RNF180: variants seen among roughly 807,000 people sequenced by gnomAD.
The protein encoded by RNF180 is E3 ubiquitin-protein ligase RNF180.
A neutral mutation model predicts 59.2 loss-of-function variants in RNF180; 38 were observed. The observed-to-expected ratio is 0.64, with a 90% CI of 0.50 to 0.84. The LOEUF (loss-of-function observed/expected upper bound fraction) is 0.84. Among genes scored for constraint, RNF180 ranks in the 40% least tolerant of loss-of-function variants. The probability of loss-of-function intolerance (pLI) is 0.00; values close to 1 mark genes in which losing one functional copy is unlikely to be tolerated. For missense variants in RNF180, 705 were observed against 700.9 expected, an observed-to-expected ratio of 1.01 and a Z score of -0.07; for synonymous variants, 262 against 240.3, an observed-to-expected ratio of 1.09 and a Z score of -0.84.
chr5:64,348,401 G>T (rs1745638641), intron 7 of RNF180, among the ~76,000 whole-genome samples: 1 of 151,984 alleles, frequency 6.6e-6, no homozygotes, highest in Non-Finnish European at 1.5e-5. Context: ...ATTTTATTCT[G>T]CATTCCTTAG....
chr5:64,294,687 T>C (rs915477280), intron 5 of RNF180, among the ~76,000 whole-genome samples: 12 of 152,356 alleles, frequency 7.9e-5, no homozygotes, highest in African/African-American at 2.9e-4. Context: ...TATAACATTG[T>C]TCTTCCTGCA....
intron 5 of RNF180, among the ~76,000 whole-genome samples, chr5:64,275,670 C>A (rs890476035): frequency 5.3e-5 from 8 of 151,884 alleles, no homozygotes; most frequent in Non-Finnish European, 8.8e-5. Context: ...CTTCTTCTCT[C>A]TTTTCTCCCT....
Position 64,213,711 on chromosome 5 carries a change from A to G in RNF180, c.385A>G (p.Arg129Gly), listed in dbSNP as rs1374719808. The change falls in exon 4 of 8, where the codon AGA becomes GGA. Residue 129 changes from arginine to glycine, a missense_variant. Physicochemically the swap from Arg to Gly is moderately radical, Grantham distance 125 (BLOSUM62 -2). Coordinates refer to ENST00000389100, the MANE Select transcript of RNF180 (RefSeq NM_001113561.2). Reference sequence around the variant, plus strand: ...TGATTATCAGCCAACACAGGCAGGCAGACTAATGAGACCATCAGTGAAATA... The same window carrying G: ...TGATTATCAGCCAACACAGGCAGGCGGACTAATGAGACCATCAGTGAAATA... ...RTDYQPTQAG[R>G]LMRPSVKYLS... The G allele has an allele frequency of 2.5e-6, 4 of 1,614,038 alleles. No individual in the cohort carries two copies. Among genetic ancestry groups the G allele is most frequent in the Non-Finnish European group, 3.4e-6 (4 of 1,179,992 alleles).
chr5:64,200,015 G>C (rs967158930), intron 1 of RNF180, among the ~76,000 whole-genome samples: 4 of 152,104 alleles, frequency 2.6e-5, no homozygotes, highest in Non-Finnish European at 4.4e-5. Context: ...ATCAATTTAA[G>C]GTAGGCACTT....
intron 5 of RNF180, among the ~76,000 whole-genome samples, chr5:64,260,907 A>G (rs975407981): frequency 2.7e-5 from 4 of 150,108 alleles, no homozygotes; most frequent in African/African-American, 9.8e-5. Flanking sequence ...TCTTTCCGTC[A>G]TGAACAAATC....
intron 7 of RNF180, among the ~76,000 whole-genome samples, chr5:64,345,360 T>G (rs1255943743): frequency 6.6e-6 from 1 of 152,180 alleles, no homozygotes; most frequent in Non-Finnish European, 1.5e-5. Flanking sequence ...TCTACTTAGT[T>G]TTGGCTTCTT....
At chr5:64,217,555 T>TA in intron 5 of RNF180, 159 bp downstream of exon 5, 1 of 1,138,602 alleles carries the variant, frequency 8.8e-7, no homozygotes. Context: ...TTCAAATACA[T>TA]AGACAGTTGT....
intron 5 of RNF180, among the ~76,000 whole-genome samples, chr5:64,224,062 G>GGGGT (rs139723027): frequency 5.7e-5 from 8 of 141,462 alleles, no homozygotes; most frequent in East Asian, 4.2e-4. Context: ...TCTAGGTTGG[G>GGGGT]GTGTGTGTGT....
chr5:64,249,023 A>G (rs1245194192), intron 5 of RNF180, among the ~76,000 whole-genome samples: 1 of 152,214 alleles, frequency 6.6e-6, no homozygotes, highest in African/African-American at 2.4e-5. Context: ...CAAACACTGC[A>G]TGTTTTCACT....
intron 3 of RNF180, among the ~76,000 whole-genome samples, chr5:64,213,349 T>A (rs1285094845): frequency 6.6e-6 from 1 of 152,196 alleles, no homozygotes; most frequent in African/African-American, 2.4e-5. Flanking sequence ...ATTTGCAATA[T>A]GTTATCATTC....
chr5:64,341,924 C>T (rs1745370029), intron 7 of RNF180, among the ~76,000 whole-genome samples: 1 of 152,164 alleles, frequency 6.6e-6, no homozygotes, highest in Non-Finnish European at 1.5e-5. Flanking sequence ...GGGCTGTCCT[C>T]TTCTGCTTCA....
chr5:64,275,871 C>T (rs981766744), intron 5 of RNF180, among the ~76,000 whole-genome samples: 1 of 152,096 alleles, frequency 6.6e-6, no homozygotes, highest in Non-Finnish European at 1.5e-5. Context: ...CCCTACCACC[C>T]TAAGCATGAG....
At chr5:64,360,412 A>C (rs755194483) in intron 7 of RNF180, among the ~76,000 whole-genome samples, 26 of 151,754 alleles carry the variant, frequency 1.7e-4, no homozygotes, top group Non-Finnish European at 2.8e-4. Context: ...ATGTAACACA[A>C]TACTAAGAGC....
intron 5 of RNF180, among the ~76,000 whole-genome samples, chr5:64,243,814 G>A (rs1043443544): frequency 1.3e-5 from 2 of 152,204 alleles, no homozygotes; most frequent in Non-Finnish European, 2.9e-5. Context: ...TCCCAGCAGG[G>A]TGGACAGACA....
chr5:64,271,491 C>T (rs897358987), intron 5 of RNF180, among the ~76,000 whole-genome samples: 1 of 151,968 alleles, frequency 6.6e-6, no homozygotes, highest in South Asian at 2.1e-4. Context: ...TGTTTGTAGC[C>T]TAGGAGCAAT....
At chr5:64,368,535 T>C (rs1746535631) in intron 7 of RNF180, among the ~76,000 whole-genome samples, 1 of 151,542 alleles carries the variant, frequency 6.6e-6, no homozygotes, top group Non-Finnish European at 1.5e-5. Context: ...CTGCCTTTAA[T>C]GCACTGAACT....
At chr5:64,235,788 G>C (rs1228383230) in intron 5 of RNF180, among the ~76,000 whole-genome samples, 2 of 152,162 alleles carry the variant, frequency 1.3e-5, no homozygotes, top group Non-Finnish European at 2.9e-5. Flanking sequence ...AGATCTGGTT[G>C]TTTAATGTGT....
intron 1 of RNF180, 134 bp downstream of exon 1, chr5:64,166,087 G>A (rs1749617339): frequency 1.3e-5 from 2 of 152,260 alleles, no homozygotes; most frequent in South Asian, 4.1e-4. Flanking sequence ...GTGCCAAGGG[G>A]CTGGGCTAGG....
At chr5:64,217,422 A>G (rs2112136157) in intron 5 of RNF180, 26 bp downstream of exon 5, 8 of 1,376,546 alleles carry the variant, frequency 5.8e-6, no homozygotes, top group Non-Finnish European at 7.5e-6. Flanking sequence ...CTTATATGAG[A>G]AATTGTCAAA....
Sources: allele counts gnomAD v4.1 joint callset (sites outside exome capture counted in the v4.1 genomes callset), GRCh38; gene constraint gnomAD v4.1.1; transcripts MANE v1.5; gene names NCBI Gene and HGNC (gene_info 2026-07-23, HGNC 2026-07-21).